The following SETDB1 variants were observed in gnomAD, a reference collection of about 807,000 sequenced individuals.
SETDB1 encodes SET domain bifurcated histone lysine methyltransferase 1.
A neutral mutation model predicts 137.4 loss-of-function variants in SETDB1; 31 were observed. That is an observed-to-expected ratio of 0.23 (90% CI 0.17 to 0.30). The LOEUF is 0.30. SETDB1 is among the 10% of genes least tolerant of loss of function. SETDB1 has a pLI of 1.00. For missense variants in SETDB1, 1,113 were observed against 1,631.5 expected, an observed-to-expected ratio of 0.68 and a Z score of 5.47; for synonymous variants, 548 against 579.9, an observed-to-expected ratio of 0.95 and a Z score of 0.79.
In SETDB1 at chr1:150,946,900, T is replaced by C. The variant is rs1474705481; in HGVS notation, c.1155T>C (p.Cys385=). 6.2e-7 allele frequency: 1 copy of C among 1,613,528 alleles called. No homozygotes were observed. The highest frequency in any genetic ancestry group is 8.5e-7 in the Non-Finnish European group (1 of 1,179,840). The part of the protein sequence containing the change: ...VRILFLDDKR[C]EWIYRGSTRL... ...CAATTCCCCAGGATGACAAAAGATGTGAGTGGATCTATCGAGGCTCTACAC... is the reference window on the plus strand; with the variant it reads ...CAATTCCCCAGGATGACAAAAGATGCGAGTGGATCTATCGAGGCTCTACAC... Residue 385 remains cysteine, a synonymous_variant, in exon 10 of 22, where the codon TGT becomes TGC. Transcript: ENST00000692827.
chr1:150,961,242 T>G (rs1248244769), intron 16 of SETDB1, 51 bp downstream of exon 16: 31 of 1,563,942 alleles, frequency 2.0e-5, no homozygotes, highest in Non-Finnish European at 2.7e-5. Context: ...TTTGGTGCAG[T>G]AACAATGCAG....
At chr1:150,927,085 A>G (rs77867057) in intron 1 of SETDB1, among the ~76,000 whole-genome samples, 254 of 152,296 alleles carry the variant, frequency 1.7e-3, no homozygotes, top group Non-Finnish European at 3.2e-3. Flanking sequence ...CCACAAAAAT[A>G]TCTTATAGAT....
At position 150,950,884 on chromosome 1, in the gene SETDB1, G is replaced by A. The variant is rs755825859; in HGVS notation, c.2010G>A (p.Lys670=). 1.9e-6 allele frequency: 3 copies of A among 1,614,150 alleles called. No homozygotes were observed. Among genetic ancestry groups the A allele is most frequent in the Non-Finnish European group, 2.5e-6 (3 of 1,180,036 alleles). The change falls in exon 13 of 22, where the codon AAG becomes AAA. Residue 670 remains lysine, a synonymous_variant. Coordinates refer to ENST00000692827, the MANE Select transcript of SETDB1 (RefSeq NM_001366418.1). ...ATCCATATGTTCTTGTGGACCGAAA[G>A]TTTCAGCCCTATAAGCCTTTTTACT... ...CLDPYVLVDR[K]FQPYKPFYYI...
chr1:150,959,694 A>G (rs1049584457), intron 15 of SETDB1, among the ~76,000 whole-genome samples: 1 of 152,220 alleles, frequency 6.6e-6, no homozygotes, highest in African/African-American at 2.4e-5. Context: ...AGTAGAAGAA[A>G]TGGAAAGACA....
intron 7 of SETDB1, 106 bp from the exon 8 acceptor site, chr1:150,943,814 A>G (rs587706481): frequency 2.0e-5 from 14 of 713,136 alleles, no homozygotes; most frequent in South Asian, 1.0e-4. Context: ...CCTGGAGTGC[A>G]TCGTGTTGTG....
intron 16 of SETDB1, chr1:150,961,653 CA>C (rs879776763): frequency 0.075 from 10,724 of 143,444 alleles, 945 homozygotes; most frequent in African/African-American, 0.24. Flanking sequence ...GACTCTGTCT[CA>C]AAAAAAAAAA....
chr1:150,931,511 G>A (rs1669745797), intron 3 of SETDB1, among the ~76,000 whole-genome samples: 1 of 151,328 alleles, frequency 6.6e-6, no homozygotes, highest in Non-Finnish European at 1.5e-5. Context: ...CGTGAACCCA[G>A]GAGGTGGAGC....
intron 14 of SETDB1, among the ~76,000 whole-genome samples, chr1:150,957,135 A>T (rs1304853642): frequency 6.7e-6 from 1 of 149,610 alleles, no homozygotes; most frequent in Non-Finnish European, 1.5e-5. Flanking sequence ...AAAAAATGGG[A>T]GGTCGAAGCA....
chr1:150,928,167 C>T, intron 2 of SETDB1, 193 bp downstream of exon 2: 1 of 591,156 alleles, frequency 1.7e-6, no homozygotes, highest in South Asian at 2.1e-5. Context: ...AAGTGATTCT[C>T]CCACCTCCCC....
chr1:150,928,515 T>C (rs1376822073), intron 2 of SETDB1, among the ~76,000 whole-genome samples: 1 of 152,090 alleles, frequency 6.6e-6, no homozygotes, highest in Non-Finnish European at 1.5e-5. Context: ...GAGTGAGGAT[T>C]GTAAAGAATT....
chr1:150,934,861 G>A (rs1669899256), intron 3 of SETDB1, among the ~76,000 whole-genome samples: 1 of 147,526 alleles, frequency 6.8e-6, no homozygotes, highest in African/African-American at 2.5e-5. Flanking sequence ...TATTCTTGTT[G>A]CCCAGGCTGG....
At chr1:150,950,410 C>CAG in intron 12 of SETDB1, 48 bp from the exon 13 acceptor site, 2 of 1,492,026 alleles carry the variant, frequency 1.3e-6, no homozygotes, top group Non-Finnish European at 1.8e-6. Context: ...AATTATAAAA[C>CAG]AGAGGTCCTG....
At chr1:150,937,187 AAAAAAAAAAAG>A (rs202184833) in intron 3 of SETDB1, among the ~76,000 whole-genome samples, 52,464 of 146,628 alleles carry the variant, frequency 0.36, 9,373 homozygotes, top group South Asian at 0.51. Flanking sequence ...CACAGCCACT[AAAAAAAAAAAG>A]AAAAAAAAAA....
chr1:150,929,062 A>G lies in SETDB1; in HGVS notation c.261-905A>G, dbSNP rs911076009. 5.5e-4 allele frequency among the ~76,000 whole-genome samples: 83 copies of G among 152,284 alleles called. 1 individual carries two copies. Among genetic ancestry groups the G allele is most frequent in the African/African-American group, 1.9e-3 (80 of 41,566 alleles). On this transcript the variant is annotated intron_variant, in intron 2 of 21. Transcript: ENST00000692827. ...AGTGCCGCAATAAACATACGTGTGC[A>G]TGTGTCTTTATAGCAGCATGATTTA...
In SETDB1 at chr1:150,942,978, A is replaced by G. The variant is rs202066393; in HGVS notation, c.800A>G (p.Lys267Arg). The G allele has an allele frequency of 8.7e-6, 14 of 1,613,950 alleles. No homozygotes were observed. The highest frequency in any genetic ancestry group is 1.1e-5 in the Non-Finnish European group (13 of 1,179,986). The change falls in exon 7 of 22, where the codon AAA (lysine) becomes AGA (arginine). Residue 267 changes from lysine to arginine, a missense_variant. Physicochemically the swap from Lys to Arg is conservative, Grantham distance 26. This residue lies in a region of SETDB1 where 154 missense variants were observed against 303.1 expected (regional missense o/e 0.51). Coordinates refer to ENST00000692827, the MANE Select transcript of SETDB1 (RefSeq NM_001366418.1). ...TATGTGGGCAGTCGGGTGGTCGCCA[A>G]ATACAAAGATGGGAATCAGGTCTGG... ...KLYVGSRVVA[K>R]YKDGNQVWLY... is the part of the protein sequence containing the mutation.
chr1:150,961,541 G>C (rs1670823823), intron 16 of SETDB1: 1 of 272,926 alleles, frequency 3.7e-6, no homozygotes, highest in African/African-American at 2.3e-5. Context: ...TGTATTTCCA[G>C]CTACTTGGGA....
chr1:150,959,797 C>T (rs34090972), intron 15 of SETDB1, among the ~76,000 whole-genome samples: 11,137 of 152,236 alleles, frequency 0.073, 557 homozygotes, highest in East Asian at 0.18. Flanking sequence ...ACTGGGCCGG[C>T]GTGGTGGCTC....
At chr1:150,951,211 T>G in intron 13 of SETDB1, 121 bp downstream of exon 13, 1 of 1,239,172 alleles carries the variant, frequency 8.1e-7, no homozygotes. Flanking sequence ...CTCCCTCACC[T>G]GGAACTCCTG....
At chr1:150,960,514 T>C in intron 15 of SETDB1, 49 bp from the exon 16 acceptor site, 5 of 941,826 alleles carry the variant, frequency 5.3e-6, no homozygotes, top group Admixed American at 2.9e-5. Context: ...AAAAAAAAAC[T>C]AATAGGTCCC....
Sources: gnomAD v4.1 joint callset for allele counts (sites outside exome capture counted in the v4.1 genomes callset) on GRCh38, gnomAD v4.1.1 for gene constraint, gnomAD v4.1.1 regional missense constraint, MANE v1.5 for transcripts, NCBI Gene and HGNC (gene_info 2026-07-23, HGNC 2026-07-21) for gene names.